Variants in MCAM observed in about 807,000 individuals in gnomAD.
MCAM encodes the protein melanoma cell adhesion molecule, also known as cell surface glycoprotein MUC18.
In MCAM, 55 loss-of-function variants were observed where a neutral mutation model predicts 79.1. The observed-to-expected ratio is 0.70, with a 90% CI of 0.56 to 0.87. The LOEUF is 0.87. MCAM is among the 40% of genes least tolerant of loss of function. The pLI is 0.00. For missense variants in MCAM, 745 were observed against 839.8 expected (o/e 0.89, Z 1.40); for synonymous variants, 330 against 339.8 (o/e 0.97, Z 0.32).
At position 119,311,692 on chromosome 11, in the gene MCAM, G is replaced by A; in HGVS notation, c.1286-41C>T. 2 of 1,612,796 alleles carry A rather than the reference G, an allele frequency of 1.2e-6. No homozygotes were observed. The highest frequency in any genetic ancestry group is 1.1e-5 in the South Asian group (1 of 91,040). On this transcript the variant is annotated intron_variant, in intron 10 of 15. Coordinates refer to ENST00000264036, the MANE Select transcript of MCAM (RefSeq NM_006500.3). The surrounding 1 kb of genome is among the most constrained non-coding windows in gnomAD (Gnocchi z 4.4). ...AGAGGTGAGGTGGCAAGCCCAGCTAGCCTGCCTCCCCCTCCGCACCAGAGC... is the reference window on the plus strand; with the variant it reads ...AGAGGTGAGGTGGCAAGCCCAGCTAACCTGCCTCCCCCTCCGCACCAGAGC...
Position 119,317,070 on chromosome 11 carries a change from A to C in MCAM, c.32T>G (p.Leu11Trp). ...AGGACAGCAGCAGCAGGCGGCGAGC[A>C]AGAAGGCGCAGACCAGCCTGGGAAG... Reference protein sequence around the residue: MGLPRLVCAFLLAACCCCPRV... With the variant: MGLPRLVCAFWLAACCCCPRV... The change falls in exon 1 of 16, where the codon TTG becomes TGG. Residue 11 changes from leucine to tryptophan, a missense_variant. Leu to Trp is a moderately conservative substitution (Grantham distance 61). Coordinates refer to ENST00000264036, the MANE Select transcript of MCAM (RefSeq NM_006500.3). The surrounding 1 kb of genome is among the most constrained non-coding windows in gnomAD (Gnocchi z 6.2). 1 of 1,535,090 alleles carries C rather than the reference A, an allele frequency of 6.5e-7. No individual in the cohort carries two copies. Among genetic ancestry groups the C allele is most frequent in the Non-Finnish European group, 8.7e-7 (1 of 1,144,454 alleles).
At chr11:119,310,139 G>A in intron 15 of MCAM, 2 of 624,868 alleles carry the variant, frequency 3.2e-6, no homozygotes, top group Non-Finnish European at 2.8e-6. Context: ...GTCAGGAAAA[G>A]GTGATGGGAC....
rs1460095700 is a variant in MCAM at position 119,311,363 on chromosome 11, G to A, written c.1466C>T (p.Thr489Ile). 6.2e-7 allele frequency: 1 copy of A among 1,614,204 alleles called. No individual in the cohort carries two copies. The highest frequency in any genetic ancestry group is 8.5e-7 in the Non-Finnish European group (1 of 1,180,036). ...AACACCTGTCTCCAACAGCTCCGGG[G>A]TCACGAGGACATTCAGGGTGCTCAG... is the stretch of plus-strand genomic sequence containing the variant. ...RVLSTLNVLV[T>I]PELLETGVEC... is the part of the protein sequence containing the mutation. Residue 489 changes from threonine (T) to isoleucine (I), a missense_variant, in exon 12 of 16, where the codon ACC (threonine) becomes ATC (isoleucine). Physicochemically the swap from Thr to Ile is moderately conservative, Grantham distance 89. Coordinates refer to ENST00000264036, the MANE Select transcript of MCAM (RefSeq NM_006500.3). This position sits in a 1 kb window ranked among gnomAD's most constrained non-coding sequence, Gnocchi z 4.4.
At chr11:119,310,120 C>T (rs764550626) in intron 15 of MCAM, 27 of 625,914 alleles carry the variant, frequency 4.3e-5, no homozygotes, top group Non-Finnish European at 5.9e-5. Flanking sequence ...CCCAGAGCCA[C>T]GGGCATTGGT....
At position 119,310,263 on chromosome 11, in the gene MCAM, G is replaced by T. The variant is rs563848069; in HGVS notation, c.1911+86C>A. ...CTGCTCCCTATCTCTGACAAAGAGG[G>T]ATGAAGGATAGAGAGAACCGTTAGT... On this transcript the variant is annotated intron_variant, in intron 15 of 15. Coordinates refer to ENST00000264036, the MANE Select transcript of MCAM (RefSeq NM_006500.3). 39 of 905,582 alleles carry T rather than the reference G, an allele frequency of 4.3e-5. No individual in the cohort carries two copies. In the African/African-American group the frequency reaches 5.6e-4, roughly 13 times the overall value. 56.1% of individuals were successfully genotyped at this position (905,582 alleles called of 1,614,324 possible). A position where few individuals can be genotyped will look rare whatever the true frequency, so the allele number is the denominator to read the frequency against.
rs1950198796 is a variant in MCAM at position 119,309,713 on chromosome 11, G to GC, written c.*172dup. The GC allele has an allele frequency of 1.5e-6, 1 of 649,866 alleles. No homozygotes were observed. Among genetic ancestry groups the GC allele is most frequent in the East Asian group, 2.7e-5 (1 of 36,572 alleles). 40.3% of individuals were successfully genotyped at this position (649,866 alleles called of 1,614,324 possible). On this transcript the variant is annotated 3_prime_UTR_variant, in exon 16 of 16. Transcript: ENST00000264036. ...GACTGGTCCCTGAAAAGCGGGCCTT[G>GC]CAGGGCCAAGTGAGGTCCTCAGGTC...
Position 119,315,387 on chromosome 11 carries a change from C to A in MCAM, c.68-124G>T. 7.9e-7 allele frequency: 1 copy of A among 1,273,188 alleles called. No homozygotes were observed. The highest frequency in any genetic ancestry group is 1.1e-6 in the Non-Finnish European group (1 of 932,578). 78.9% of individuals were successfully genotyped at this position (1,273,188 alleles called of 1,614,324 possible). On this transcript the variant is annotated intron_variant, in intron 1 of 15. Transcript: ENST00000264036. The surrounding 1 kb of genome is among the most constrained non-coding windows in gnomAD (Gnocchi z 4.4). The stretch of plus-strand genomic sequence containing the variant: ...GAGGGTCTGCAGAGGGCCCTGTCCT[C>A]TGAACGCTCTACCCCCACCCCGACC...
intron 5 of MCAM, 57 bp downstream of exon 5, chr11:119,314,432 A>T: frequency 6.8e-7 from 1 of 1,475,980 alleles, no homozygotes; most frequent in Non-Finnish European, 9.5e-7. Flanking sequence ...CCGAGATTAC[A>T]GGTGTGAGCT....
At position 119,317,108 on chromosome 11, in the gene MCAM, C is replaced by T. The variant is rs1241786831; in HGVS notation, c.-7G>A. The T allele has an allele frequency of 6.6e-7, 1 of 1,521,016 alleles. No homozygotes were observed. The allele number at this position is 1,521,016 out of a possible 1,614,324, so 94.2% of individuals were successfully genotyped here. On this transcript the variant is annotated 5_prime_UTR_variant, in exon 1 of 16. Coordinates refer to ENST00000264036, the MANE Select transcript of MCAM (RefSeq NM_006500.3). This position sits in a 1 kb window ranked among gnomAD's most constrained non-coding sequence, Gnocchi z 6.2. Reference sequence around the variant, plus strand: ...CCAGCCTGGGAAGCCCCATGCTTCCCGGCCGGAGGGCGAGAGCCAAGTGAG... The same window carrying T: ...CCAGCCTGGGAAGCCCCATGCTTCCTGGCCGGAGGGCGAGAGCCAAGTGAG...
Position 119,315,413 on chromosome 11 carries a change from C to G in MCAM, c.68-150G>C, listed in dbSNP as rs1399654532. 1 of 1,002,450 alleles carries G rather than the reference C, an allele frequency of 1.0e-6. No individual in the cohort carries two copies. The highest frequency in any genetic ancestry group is 1.6e-5 in the African/African-American group (1 of 61,478). 62.1% of individuals were successfully genotyped at this position (1,002,450 alleles called of 1,614,324 possible). On this transcript the variant is annotated intron_variant, in intron 1 of 15. Coordinates refer to ENST00000264036, the MANE Select transcript of MCAM (RefSeq NM_006500.3). This position sits in a 1 kb window ranked among gnomAD's most constrained non-coding sequence, Gnocchi z 4.4. ...TGAACGCTCTACCCCCACCCCGACC[C>G]GCGCCCCACCTGGGCCAGCCCTCTC...
chr11:119,309,791 T>G lies in MCAM; in HGVS notation c.*95A>C. 7.6e-7 allele frequency: 1 copy of G among 1,310,524 alleles called. No homozygotes were observed. The highest frequency in any genetic ancestry group is 1.1e-6 in the Non-Finnish European group (1 of 927,652). The allele number at this position is 1,310,524 out of a possible 1,614,324, so 81.2% of individuals were successfully genotyped here. A position where few individuals can be genotyped will look rare whatever the true frequency, so the allele number is the denominator to read the frequency against. On this transcript the variant is annotated 3_prime_UTR_variant, in exon 16 of 16. Coordinates refer to ENST00000264036, the MANE Select transcript of MCAM (RefSeq NM_006500.3). Reference sequence around the variant, plus strand: ...TGTGCAGGCGAGGGGAGCAGGAGGCTTCTCTCTAGTCCCTTTGGAGGCTTT... The same window carrying G: ...TGTGCAGGCGAGGGGAGCAGGAGGCGTCTCTCTAGTCCCTTTGGAGGCTTT...
At position 119,311,786 on chromosome 11, in the gene MCAM, C is replaced by T; in HGVS notation, c.1285+22G>A. ...CACCCCACTTGGGGTGACCTGGTCT[C>T]TACCCAGAGGGAGGGCCTCACCAAA... On this transcript the variant is annotated intron_variant, in intron 10 of 15. Transcript: ENST00000264036. The surrounding 1 kb of genome is among the most constrained non-coding windows in gnomAD (Gnocchi z 4.4). 1.2e-6 allele frequency: 2 copies of T among 1,613,586 alleles called. No individual in the cohort carries two copies. Among genetic ancestry groups the T allele is most frequent in the Non-Finnish European group, 1.7e-6 (2 of 1,179,762 alleles).
chr11:119,312,431 A>G lies in MCAM; in HGVS notation c.862-3T>C, dbSNP rs112920372. The G allele has an allele frequency of 3.1e-6, 5 of 1,613,324 alleles. No individual in the cohort carries two copies. The South Asian group carries it at 5.5e-5, about 18-fold the overall frequency. ...TCTGCCTCCCTGGTGCTGGGGTTCT[A>G]GGGAGGATTGGGGAGGTGAGCAGAG... On this transcript the variant is annotated splice_polypyrimidine_tract_variant and splice_region_variant and intron_variant, in intron 7 of 15. Coordinates refer to ENST00000264036, the MANE Select transcript of MCAM (RefSeq NM_006500.3). The surrounding 1 kb of genome is among the most constrained non-coding windows in gnomAD (Gnocchi z 4.9).
Position 119,308,794 on chromosome 11 carries a change from C to G in MCAM, c.*1092G>C, listed in dbSNP as rs1360282245. On this transcript the variant is annotated 3_prime_UTR_variant, in exon 16 of 16. Coordinates refer to ENST00000264036, the MANE Select transcript of MCAM (RefSeq NM_006500.3). ...TTGTAGAAGTTTGGTGCTAATATAA[C>G]CATAGCTTTAATCCCCATGAAGGAC... 6.6e-6 allele frequency: 1 copy of G among 152,072 alleles called. No homozygotes were observed. The highest frequency in any genetic ancestry group is 6.6e-5 in the Admixed American group (1 of 15,258). The allele number at this position is 152,072 out of a possible 1,614,324, so 9.4% of individuals were successfully genotyped here.
Position 119,315,089 on chromosome 11 carries a change from G to C in MCAM, c.193-49C>G. Reference sequence around the variant, plus strand: ...GGAGAAGGGTCCTGGGCTACAAGAGGGGCAGAGTCTCCCTCCCCGGGCTGC... The same window carrying C: ...GGAGAAGGGTCCTGGGCTACAAGAGCGGCAGAGTCTCCCTCCCCGGGCTGC... On this transcript the variant is annotated intron_variant, in intron 2 of 15. Transcript: ENST00000264036. The surrounding 1 kb of genome is among the most constrained non-coding windows in gnomAD (Gnocchi z 4.4). The C allele has an allele frequency of 4.3e-6, 7 of 1,611,694 alleles. No individual in the cohort carries two copies. Among genetic ancestry groups the C allele is most frequent in the Non-Finnish European group, 5.9e-6 (7 of 1,179,782 alleles).
In MCAM at chr11:119,315,266, G is replaced by T. The variant is rs1392466396; in HGVS notation, c.68-3C>A. On this transcript the variant is annotated splice_region_variant and splice_polypyrimidine_tract_variant and intron_variant, in intron 1 of 15. Coordinates refer to ENST00000264036, the MANE Select transcript of MCAM (RefSeq NM_006500.3). This position sits in a 1 kb window ranked among gnomAD's most constrained non-coding sequence, Gnocchi z 4.4. ...CTGCTCAGCCTCTCCGGGCACACCT[G>T]GGGGAGGGAGGCGGGGCCCCCGCAG... 6.2e-7 allele frequency: 1 copy of T among 1,606,452 alleles called. No individual in the cohort carries two copies. The highest frequency in any genetic ancestry group is 8.5e-7 in the Non-Finnish European group (1 of 1,178,862).
rs761049298 is a variant in MCAM at position 119,311,854 on chromosome 11, G to T, written c.1239C>A (p.Ser413Arg). The change falls in exon 10 of 16, where the codon AGC becomes AGA. Residue 413 changes from serine to arginine, a missense_variant. By Grantham distance (110) the Ser-to-Arg change is moderately radical (BLOSUM62 -1). Coordinates refer to ENST00000264036, the MANE Select transcript of MCAM (RefSeq NM_006500.3). This position sits in a 1 kb window ranked among gnomAD's most constrained non-coding sequence, Gnocchi z 4.4. ...GCTGTGTGCGGTTCAGGCCGGGTAT[G>T]CTGGGCACAGACGCCACGCAGCGAT... ...GGYRCVASVP[S>R]IPGLNRTQLV... 6.2e-7 allele frequency: 1 copy of T among 1,614,142 alleles called. No individual in the cohort carries two copies. Among genetic ancestry groups the T allele is most frequent in the Non-Finnish European group, 8.5e-7 (1 of 1,180,024 alleles).
In MCAM at chr11:119,316,976, C is replaced by G; in HGVS notation, c.67+59G>C. On this transcript the variant is annotated intron_variant, in intron 1 of 15. Transcript: ENST00000264036. The surrounding 1 kb of genome is among the most constrained non-coding windows in gnomAD (Gnocchi z 4.8). ...CCCGCCGCGCCGCTGGCTCTGCTCC[C>G]TGGCACGCTCCACCGCAGACCCCTA... The G allele has an allele frequency of 6.9e-7, 1 of 1,445,480 alleles. No homozygotes were observed. Among genetic ancestry groups the G allele is most frequent in the Non-Finnish European group, 9.3e-7 (1 of 1,075,362 alleles). The allele number at this position is 1,445,480 out of a possible 1,614,324, so 89.5% of individuals were successfully genotyped here. A position where few individuals can be genotyped will look rare whatever the true frequency, so the allele number is the denominator to read the frequency against.
intron 3 of MCAM, 40 bp from the exon 4 acceptor site, chr11:119,314,789 C>T (rs917358776): frequency 1.2e-6 from 2 of 1,613,188 alleles, no homozygotes; most frequent in Non-Finnish European, 1.7e-6. Flanking sequence ...CTGGCCACGT[C>T]CCACCACCCT....
Sources: allele counts gnomAD v4.1 joint callset, GRCh38; gene constraint gnomAD v4.1.1; non-coding constraint Gnocchi (gnomAD v3.1); transcripts MANE v1.5; gene names NCBI Gene and HGNC (gene_info 2026-07-23, HGNC 2026-07-21).